PPP1R12B: variants seen among roughly 807,000 people sequenced by gnomAD.
PPP1R12B encodes the protein protein phosphatase 1 regulatory subunit 12B.
A neutral mutation model predicts 126.1 loss-of-function variants in PPP1R12B; 76 were observed. The ratio of observed to expected loss-of-function variants is 0.60; its 90% CI spans 0.50 to 0.73. PPP1R12B has a LOEUF of 0.73. Ranked by LOEUF, PPP1R12B falls within the 30% of genes least tolerant of loss-of-function variation. PPP1R12B has a pLI of 0.00. For missense variants in PPP1R12B, 1,052 were observed against 1,205.1 expected (o/e 0.87, Z 1.88); for synonymous variants, 356 against 434.7 (o/e 0.82, Z 2.25).
intron 7 of PPP1R12B, among the ~76,000 whole-genome samples, chr1:202,431,201 G>A (rs1206880423): frequency 6.6e-6 from 1 of 152,062 alleles, no homozygotes; most frequent in African/African-American, 2.4e-5. Flanking sequence ...GTAAACATTT[G>A]TTAAATGATT....
chr1:202,490,371 T>C (rs1427799453), intron 14 of PPP1R12B, among the ~76,000 whole-genome samples: 1 of 152,252 alleles, frequency 6.6e-6, no homozygotes, highest in Non-Finnish European at 1.5e-5. Context: ...AAGTAGGTCA[T>C]GTATTCTTCC....
chr1:202,572,327 C>T (rs1184144549), intron 23 of PPP1R12B, among the ~76,000 whole-genome samples: 1 of 152,104 alleles, frequency 6.6e-6, no homozygotes, highest in Non-Finnish European at 1.5e-5. Context: ...TCCAGTGAAC[C>T]CTTAAAAATA....
chr1:202,516,643 A>C (rs1432579141), intron 18 of PPP1R12B, among the ~76,000 whole-genome samples: 3 of 152,180 alleles, frequency 2.0e-5, no homozygotes, highest in African/African-American at 7.2e-5. Flanking sequence ...AAAAATCCTC[A>C]TAAAGGCTTA....
intron 18 of PPP1R12B, among the ~76,000 whole-genome samples, chr1:202,554,663 C>T (rs1452173767): frequency 6.6e-6 from 1 of 152,010 alleles, no homozygotes; most frequent in Non-Finnish European, 1.5e-5. Flanking sequence ...ATATCTGGAT[C>T]TAGGAAAATT....
At chr1:202,451,577 C>T (rs1464138830) in intron 13 of PPP1R12B, among the ~76,000 whole-genome samples, 1 of 151,934 alleles carries the variant, frequency 6.6e-6, no homozygotes, top group Non-Finnish European at 1.5e-5. Flanking sequence ...CTTCTTTCTA[C>T]ACAGACACGG....
intron 13 of PPP1R12B, among the ~76,000 whole-genome samples, chr1:202,451,425 G>A (rs928450536): frequency 2.1e-5 from 3 of 146,210 alleles, no homozygotes; most frequent in Non-Finnish European, 4.5e-5. Context: ...ATCTTGCACC[G>A]CCCTTAATCC....
At chr1:202,392,791 G>T (rs1664336611) in intron 1 of PPP1R12B, among the ~76,000 whole-genome samples, 1 of 151,918 alleles carries the variant, frequency 6.6e-6, no homozygotes, top group Non-Finnish European at 1.5e-5. Context: ...CCTCCCATAA[G>T]TGCTGGGATT....
At chr1:202,368,417 A>T (rs989138545) in intron 1 of PPP1R12B, among the ~76,000 whole-genome samples, 1 of 152,216 alleles carries the variant, frequency 6.6e-6, no homozygotes, top group East Asian at 1.9e-4. Context: ...TGTCAGTGCC[A>T]TGCTTGTGCA....
In PPP1R12B at chr1:202,496,773, T is replaced by G; in HGVS notation, c.2449-8T>G. 1.9e-6 allele frequency: 3 copies of G among 1,610,512 alleles called. No individual in the cohort carries two copies. Among genetic ancestry groups the G allele is most frequent in the Non-Finnish European group, 2.5e-6 (3 of 1,177,054 alleles). On this transcript the variant is annotated splice_polypyrimidine_tract_variant and splice_region_variant and intron_variant, in intron 17 of 23. Transcript: ENST00000608999. ...AGCCTCTTGATTTTCTTCCCTTTTC[T>G]TTTTTAGGAGGATGAAACTGATGGC...
chr1:202,404,355 A>T (rs1303788906), intron 1 of PPP1R12B, among the ~76,000 whole-genome samples: 1 of 152,016 alleles, frequency 6.6e-6, no homozygotes, highest in East Asian at 1.9e-4. Context: ...AATTCTCACT[A>T]TTCCAAAAAA....
At chr1:202,425,509 T>C (rs939308261) in intron 3 of PPP1R12B, 57 bp from the exon 4 acceptor site, 1 of 1,556,614 alleles carries the variant, frequency 6.4e-7, no homozygotes, top group Non-Finnish European at 8.8e-7. Context: ...GAAAATATCC[T>C]GTCAAACTTA....
At chr1:202,382,421 A>G (rs1156849541) in intron 1 of PPP1R12B, among the ~76,000 whole-genome samples, 4 of 150,116 alleles carry the variant, frequency 2.7e-5, no homozygotes, top group Non-Finnish European at 5.9e-5. Flanking sequence ...TTAAAGTATA[A>G]TAAAAAAAAT....
chr1:202,452,416 G>A (rs1234351253), intron 13 of PPP1R12B, among the ~76,000 whole-genome samples: 1 of 152,240 alleles, frequency 6.6e-6, no homozygotes, highest in Admixed American at 6.5e-5. Context: ...CAGGCGTGGC[G>A]GCGTGCGCCT....
At chr1:202,506,203 C>T (rs539072837) in intron 18 of PPP1R12B, among the ~76,000 whole-genome samples, 48 of 152,308 alleles carry the variant, frequency 3.2e-4, no homozygotes, top group African/African-American at 1.1e-3. Context: ...TCCACATTGG[C>T]CTCGAAGGAT....
At chr1:202,443,864 G>T (rs1437901080) in intron 12 of PPP1R12B, among the ~76,000 whole-genome samples, 2 of 152,220 alleles carry the variant, frequency 1.3e-5, no homozygotes, top group Non-Finnish European at 2.9e-5. Context: ...GGGTTGAGAG[G>T]CATTTGGTTT....
At chr1:202,463,370 T>C (rs1410364748) in intron 13 of PPP1R12B, among the ~76,000 whole-genome samples, 1 of 152,210 alleles carries the variant, frequency 6.6e-6, no homozygotes, top group Non-Finnish European at 1.5e-5. Context: ...TGCTTCTCTT[T>C]TAAAGAAGAA....
Position 202,492,435 on chromosome 1 carries a change from A to G in PPP1R12B, c.1942-679A>G, listed in dbSNP as rs3820373. The stretch of plus-strand genomic sequence containing the variant: ...ACTTCCTTCTTCTGAGGACTCATGC[A>G]CATAACTACTTGAGTTGGAATCAGC... On this transcript the variant is annotated intron_variant, in intron 14 of 23. Transcript: ENST00000608999. Among the ~76,000 whole-genome samples the G allele has an allele frequency of 2.1e-3, 317 of 152,314 alleles. 10 individuals are homozygous for G. The East Asian group carries it at 0.054, about 26-fold the overall frequency.
intron 13 of PPP1R12B, among the ~76,000 whole-genome samples, chr1:202,449,409 G>A (rs1164134700): frequency 1.3e-5 from 2 of 151,510 alleles, no homozygotes; most frequent in Admixed American, 6.6e-5. Flanking sequence ...CCAAGTAGCT[G>A]GGACTGCAGG....
chr1:202,415,318 G>A (rs1329841879), intron 1 of PPP1R12B, among the ~76,000 whole-genome samples: 5 of 151,986 alleles, frequency 3.3e-5, no homozygotes, highest in Non-Finnish European at 5.9e-5. Context: ...AGGCACCAGC[G>A]GTTTTACTCA....
Sources: allele counts gnomAD v4.1 joint callset (sites outside exome capture counted in the v4.1 genomes callset), GRCh38; gene constraint gnomAD v4.1.1; transcripts MANE v1.5; gene names NCBI Gene and HGNC (gene_info 2026-07-23, HGNC 2026-07-21).